Variants in PODN observed in about 807,000 individuals in gnomAD.
PODN encodes the protein podocan proteoglycan.
Under a neutral mutation model 52.7 loss-of-function variants are expected in PODN, and 40 were observed. The ratio of observed to expected loss-of-function variants is 0.76; its 90% CI spans 0.59 to 0.99. The LOEUF (loss-of-function observed/expected upper bound fraction) is 0.99. Among genes scored for constraint, PODN ranks in the 50% least tolerant of loss-of-function variants. The pLI, the probability that PODN is intolerant of heterozygous loss-of-function variation, is 0.00. For missense variants in PODN, 720 were observed against 815.1 expected (o/e 0.88, Z 1.42); for synonymous variants, 396 against 377.9 (o/e 1.05, Z -0.56).
chr1:53,082,917 C>T (rs373276145), intron 10 of PODN, among the ~76,000 whole-genome samples: 11 of 152,334 alleles, frequency 7.2e-5, no homozygotes, highest in African/African-American at 1.7e-4. Context: ...TGCGTACCCA[C>T]GTATACGGGC....
Position 53,079,006 on chromosome 1 carries a change from ACC to A in PODN, c.1497_1498del (p.Leu500ArgfsTer25). On this transcript the variant is annotated frameshift_variant, in exon 8 of 11. Coordinates refer to ENST00000312553, the MANE Select transcript of PODN (RefSeq NM_153703.5). LOFTEE classifies it high-confidence loss of function. ...GCCCTGGGCCCCCGTGCCTGGGTGG[ACC>A]TCGCCCATCTGCAGGTAAGCGGAAG... The A allele has an allele frequency of 6.4e-7, 1 of 1,555,096 alleles. No individual in the cohort carries two copies.
At chr1:53,066,806 A>C in intron 1 of PODN, 1 of 1,545,000 alleles carries the variant, frequency 6.5e-7, no homozygotes. Flanking sequence ...ATTTTTATTG[A>C]TGCAGTTTAC....
At position 53,077,274 on chromosome 1, in the gene PODN, C is replaced by T. The variant is rs773493587; in HGVS notation, c.666C>T (p.Leu222=). The part of the protein sequence containing the change: ...MFNGSSNVEV[L]ILSSNFLRHV... Reference sequence around the variant, plus strand: ...ACGGCTCCAGCAACGTCGAGGTCCTCATCCTGTCCAGCAACTTCCTGCGCC... The same window carrying T: ...ACGGCTCCAGCAACGTCGAGGTCCTTATCCTGTCCAGCAACTTCCTGCGCC... Residue 222 remains leucine, a synonymous_variant, in exon 6 of 11, where the codon CTC becomes CTT. Transcript: ENST00000312553. The T allele has an allele frequency of 5.0e-6, 8 of 1,613,436 alleles. No individual in the cohort carries two copies. Among genetic ancestry groups the T allele is most frequent in the South Asian group, 4.4e-5 (4 of 91,088 alleles).
intron 9 of PODN, 53 bp downstream of exon 9, chr1:53,080,929 C>G (rs992117420): frequency 1.3e-6 from 2 of 1,599,248 alleles, no homozygotes; most frequent in African/African-American, 2.7e-5. Flanking sequence ...CACCCTGGCT[C>G]CAACGGGACA....
chr1:53,065,339 G>A (rs556483740), intron 1 of PODN, among the ~76,000 whole-genome samples: 1 of 151,308 alleles, frequency 6.6e-6, no homozygotes, highest in East Asian at 1.9e-4. Flanking sequence ...CTGGGTAACA[G>A]AGGGAGACCC....
chr1:53,064,276 G>A (rs759323254), intron 1 of PODN, among the ~76,000 whole-genome samples: 1 of 152,244 alleles, frequency 6.6e-6, no homozygotes, highest in Admixed American at 6.5e-5. Flanking sequence ...GATAAAGCCA[G>A]CCAAGGTTGC....
intron 1 of PODN, chr1:53,066,992 C>A: frequency 2.1e-6 from 2 of 936,324 alleles, no homozygotes; most frequent in Non-Finnish European, 3.2e-6. Flanking sequence ...CCCCGGACTA[C>A]AGTGGGGTCA....
chr1:53,075,717 G>A (rs1376294943), intron 4 of PODN, 145 bp from the exon 5 acceptor site: 3 of 664,204 alleles, frequency 4.5e-6, no homozygotes, highest in Admixed American at 4.8e-5. Flanking sequence ...TTTTGCAGAG[G>A]GGGTGGGACA....
chr1:53,071,388 G>A (rs920773471), intron 2 of PODN, 147 bp from the exon 3 acceptor site: 31 of 670,528 alleles, frequency 4.6e-5, no homozygotes, highest in Admixed American at 4.4e-4. Context: ...AGCTGGCACC[G>A]GGGGTCTGCT....
At chr1:53,075,715 AG>A (rs1296683826) in intron 4 of PODN, 146 bp from the exon 5 acceptor site, 5 of 657,184 alleles carry the variant, frequency 7.6e-6, no homozygotes, top group Non-Finnish European at 1.3e-5. Flanking sequence ...GTTTTTGCAG[AG>A]GGGGTGGGAC....
chr1:53,062,610 G>C (rs1202947546), intron 1 of PODN, among the ~76,000 whole-genome samples: 2 of 152,240 alleles, frequency 1.3e-5, no homozygotes, highest in Non-Finnish European at 2.9e-5. Context: ...GGTTGGGGGC[G>C]GGGGCTGGAG....
intron 4 of PODN, 138 bp downstream of exon 4, chr1:53,074,808 C>CGGGG: frequency 4.2e-6 from 2 of 476,810 alleles, no homozygotes; most frequent in Non-Finnish European, 6.8e-6. Context: ...GGCCCTGGGT[C>CGGGG]GGGGGTGGGG....
In PODN at chr1:53,080,775, C is replaced by G. The variant is rs748416340; in HGVS notation, c.1560C>G (p.Leu520=). 3.1e-6 allele frequency: 5 copies of G among 1,614,052 alleles called. No homozygotes were observed. The highest frequency in any genetic ancestry group is 4.2e-6 in the Non-Finnish European group (5 of 1,180,042). Reference sequence around the variant, plus strand: ...AGCTCACAGAGATCCCCGAGGGGCTCCCCGAGTCACTTGAGTACCTGTACC... The same window carrying G: ...AGCTCACAGAGATCCCCGAGGGGCTGCCCGAGTCACTTGAGTACCTGTACC... ...GNQLTEIPEG[L]PESLEYLYLQ... The change falls in exon 9 of 11, where the codon CTC becomes CTG. Residue 520 remains leucine, a synonymous_variant. Transcript: ENST00000312553.
In PODN at chr1:53,078,808, G is replaced by A. The variant is rs200524442; in HGVS notation, c.1298G>A (p.Arg433His). The part of the protein sequence containing the change: ...RDAFRKLRLL[R>H]SLDLSGNRLH... ...GCCTTCCGCAAGCTGCGCCTGCTGC[G>A]CTCGCTGGACCTGTCGGGCAACCGG... Residue 433 changes from arginine (R) to histidine (H), a missense_variant, in exon 8 of 11, where the codon CGC becomes CAC. By Grantham distance (29) the Arg-to-His change is conservative. Transcript: ENST00000312553. 5.8e-5 allele frequency: 93 copies of A among 1,612,982 alleles called. No homozygotes were observed. Among genetic ancestry groups the A allele is most frequent in the Non-Finnish European group, 7.4e-5 (87 of 1,179,874 alleles).
chr1:53,068,954 C>T (rs1267814099), intron 1 of PODN, among the ~76,000 whole-genome samples: 3 of 152,176 alleles, frequency 2.0e-5, no homozygotes, highest in African/African-American at 7.2e-5. Flanking sequence ...GTGAGGGCAG[C>T]TGAGGGGATA....
chr1:53,076,063 C>G, intron 5 of PODN, 92 bp downstream of exon 5: 4 of 1,102,508 alleles, frequency 3.6e-6, no homozygotes, highest in Non-Finnish European at 5.3e-6. Flanking sequence ...AGACAGGTCC[C>G]GAAGGAGGCC....
intron 1 of PODN, among the ~76,000 whole-genome samples, chr1:53,069,413 C>T (rs1531698): frequency 0.048 from 7,384 of 152,288 alleles, 282 homozygotes; most frequent in East Asian, 0.2. Context: ...AGAGCCGGGA[C>T]GCACCCTGCC....
In PODN at chr1:53,080,786, T is replaced by C; in HGVS notation, c.1571T>C (p.Leu524Pro). The change falls in exon 9 of 11, where the codon CTT becomes CCT. Residue 524 changes from leucine to proline, a missense_variant. By Grantham distance (98) the Leu-to-Pro change is moderately conservative. Transcript: ENST00000312553. ...TEIPEGLPES[L>P]EYLYLQNNKI... is the part of the protein sequence containing the mutation. ...ATCCCCGAGGGGCTCCCCGAGTCACTTGAGTACCTGTACCTGCAGAACAAC... is the reference window on the plus strand; with the variant it reads ...ATCCCCGAGGGGCTCCCCGAGTCACCTGAGTACCTGTACCTGCAGAACAAC... The C allele has an allele frequency of 1.2e-6, 2 of 1,614,112 alleles. No homozygotes were observed. Among genetic ancestry groups the C allele is most frequent in the Non-Finnish European group, 1.7e-6 (2 of 1,180,018 alleles).
chr1:53,082,128 AGAG>A lies in PODN; in HGVS notation c.1824_1826del (p.Glu611del), dbSNP rs745517558. ...TGGGGAAGGAAAAGGAGGAGGAGGAAGAGGAGGAGGAGGAGGAAGAGGAAACAA... is the reference window on the plus strand; with the variant it reads ...TGGGGAAGGAAAAGGAGGAGGAGGAAGAGGAGGAGGAGGAAGAGGAAACAA... On this transcript the variant is annotated inframe_deletion, in exon 10 of 11. Coordinates refer to ENST00000312553, the MANE Select transcript of PODN (RefSeq NM_153703.5). The A allele has an allele frequency of 1.7e-4, 269 of 1,600,010 alleles. No homozygotes were observed. Among genetic ancestry groups the A allele is most frequent in the African/African-American group, 3.8e-4 (28 of 73,986 alleles).
Sources: allele counts gnomAD v4.1 joint callset (sites outside exome capture counted in the v4.1 genomes callset), GRCh38; gene constraint gnomAD v4.1.1; transcripts MANE v1.5; gene names NCBI Gene and HGNC (gene_info 2026-07-23, HGNC 2026-07-21).